Variants in SKP1 observed in about 807,000 individuals in gnomAD.
SKP1 encodes the protein S-phase kinase associated protein 1.
In SKP1, 1 loss-of-function variant was observed where a neutral mutation model predicts 21.5. The ratio of observed to expected loss-of-function variants is 0.05; its 90% CI spans 0.02 to 0.22. The LOEUF (loss-of-function observed/expected upper bound fraction) is 0.22. Ranked by LOEUF, SKP1 falls within the 10% of genes least tolerant of loss-of-function variation. The probability of loss-of-function intolerance (pLI) is 1.00; values close to 1 mark genes in which losing one functional copy is unlikely to be tolerated. For missense variants in SKP1, 70 were observed against 192.0 expected (o/e 0.36, Z 3.76); for synonymous variants, 59 against 59.3 (o/e 0.99, Z 0.03).
At chr5:134,175,847 C>G (rs901832911) in intron 1 of SKP1, among the ~76,000 whole-genome samples, 1 of 152,114 alleles carries the variant, frequency 6.6e-6, no homozygotes, top group Non-Finnish European at 1.5e-5. Flanking sequence ...AAAACAATTC[C>G]ATTCTAAAGA....
At chr5:134,166,657 C>A (rs1262179327) in intron 3 of SKP1, among the ~76,000 whole-genome samples, 1 of 138,988 alleles carries the variant, frequency 7.2e-6, no homozygotes, top group Non-Finnish European at 1.6e-5. Flanking sequence ...TTACAAAATA[C>A]TGAAAGGATA....
rs1489562362 is a variant in SKP1 at position 134,152,423 on chromosome 5, C to T, written c.*5310G>A. On this transcript the variant is annotated 3_prime_UTR_variant, in exon 6 of 6. Transcript: ENST00000353411. ...GCTTTTTCCTCACTTTGGCATCTGT[C>T]CACCCCCAAACAAATCCAACTTGAT... 1 of 152,214 alleles carries T rather than the reference C, an allele frequency of 6.6e-6. No homozygotes were observed. The highest frequency in any genetic ancestry group is 1.5e-5 in the Non-Finnish European group (1 of 68,082). The allele number at this position is 152,214 out of a possible 1,614,324, so 9.4% of individuals were successfully genotyped here.
chr5:134,167,126 T>A, intron 3 of SKP1, 44 bp downstream of exon 3: 1 of 947,258 alleles, frequency 1.1e-6, no homozygotes, highest in Non-Finnish European at 1.7e-6. Flanking sequence ...TCAATTGGTG[T>A]TATATATTAA....
At position 134,168,029 on chromosome 5, in the gene SKP1, T is replaced by C. The variant is rs2149375968; in HGVS notation, c.98-786A>G. 1.3e-5 allele frequency among the ~76,000 whole-genome samples: 2 copies of C among 152,320 alleles called. 1 individual carries two copies. Among genetic ancestry groups the C allele is most frequent in the Middle Eastern group, 6.8e-3 (2 of 294 alleles). ...TAAAAAGTACTTTACTTAGAACAGC[T>C]CTCTTAGGAGCATTTAAAAATTGGT... On this transcript the variant is annotated intron_variant, in intron 2 of 5. Transcript: ENST00000353411.
intron 5 of SKP1, chr5:134,157,997 T>G: frequency 6.6e-7 from 1 of 1,505,418 alleles, no homozygotes; most frequent in Non-Finnish European, 8.9e-7. Context: ...ATGGGCAATT[T>G]ACTAAAGTTG....
rs1307878749 is a variant in SKP1, at chr5:134,157,680, G to C, written c.*53C>G. 3 of 1,371,378 alleles carry C rather than the reference G, an allele frequency of 2.2e-6. No homozygotes were observed. In the African/African-American group the frequency reaches 4.3e-5, roughly 20 times the overall value. 85.0% of individuals were successfully genotyped at this position (1,371,378 alleles called of 1,614,324 possible). On this transcript the variant is annotated 3_prime_UTR_variant, in exon 6 of 6. Transcript: ENST00000353411. Reference sequence around the variant, plus strand: ...TATTAACAATTATAAACAGAGCAGTGCAACTAGTATTTGGAACAATCCTTA... The same window carrying C: ...TATTAACAATTATAAACAGAGCAGTCCAACTAGTATTTGGAACAATCCTTA...
Position 134,151,389 on chromosome 5 carries a change from C to T in SKP1, c.*6344G>A, listed in dbSNP as rs1387280247. The T allele has an allele frequency of 1.8e-5, 4 of 220,434 alleles. No homozygotes were observed. In the Admixed American group the frequency reaches 2.0e-4, roughly 11 times the overall value. 13.7% of individuals were successfully genotyped at this position (220,434 alleles called of 1,614,324 possible). A position where few individuals can be genotyped will look rare whatever the true frequency, so the allele number is the denominator to read the frequency against. On this transcript the variant is annotated 3_prime_UTR_variant, in exon 6 of 6. Coordinates refer to ENST00000353411, the MANE Select transcript of SKP1 (RefSeq NM_170679.3). ...TACTTGAGGATAGAGTACAGCTTCT[C>T]TATTTTCCCACCCCTTTCCGTAAGC...
intron 1 of SKP1, chr5:134,174,578 CA>C (rs1157814215): frequency 1.8e-6 from 1 of 556,692 alleles, no homozygotes; most frequent in Non-Finnish European, 2.3e-6. Flanking sequence ...GATGTGAGTA[CA>C]ATTCCCTAAA....
In SKP1 at chr5:134,158,608, A is replaced by G. The variant is rs1761162067; in HGVS notation, c.316-13T>C. On this transcript the variant is annotated splice_polypyrimidine_tract_variant and intron_variant, in intron 4 of 5. Coordinates refer to ENST00000353411, the MANE Select transcript of SKP1 (RefSeq NM_170679.3). Reference sequence around the variant, plus strand: ...AGTAGTTTGCAGCCTGTAAAGAGACAGTTGTTTTCCTTAAAGTATACTTGA... The same window carrying G: ...AGTAGTTTGCAGCCTGTAAAGAGACGGTTGTTTTCCTTAAAGTATACTTGA... 2 of 1,610,776 alleles carry G rather than the reference A, an allele frequency of 1.2e-6. No homozygotes were observed. The highest frequency in any genetic ancestry group is 1.7e-6 in the Non-Finnish European group (2 of 1,178,218).
Position 134,156,788 on chromosome 5 carries a change from T to G in SKP1, c.*945A>C, listed in dbSNP as rs1332017501. 6.6e-6 allele frequency: 1 copy of G among 152,602 alleles called. No individual in the cohort carries two copies. The highest frequency in any genetic ancestry group is 1.5e-5 in the Non-Finnish European group (1 of 68,032). 9.5% of individuals were successfully genotyped at this position (152,602 alleles called of 1,614,324 possible). A position where few individuals can be genotyped will look rare whatever the true frequency, so the allele number is the denominator to read the frequency against. On this transcript the variant is annotated 3_prime_UTR_variant, in exon 6 of 6. Transcript: ENST00000353411. The stretch of plus-strand genomic sequence containing the variant: ...CCAGTGAGCTAGGATATAAACTAAG[T>G]CTTTTCAAGCTGAACAAATATATAC...
chr5:134,170,504 T>C (rs919325199), intron 2 of SKP1, among the ~76,000 whole-genome samples: 12 of 152,338 alleles, frequency 7.9e-5, no homozygotes, highest in Admixed American at 3.3e-4. Context: ...TCACTTCTGA[T>C]TGTCCTGTGG....
At chr5:134,175,435 C>T (rs908911987) in intron 1 of SKP1, 6 of 152,112 alleles carry the variant, frequency 3.9e-5, no homozygotes, top group African/African-American at 1.4e-4. Context: ...TGTGACAAGA[C>T]CACAACAAAA....
intron 2 of SKP1, among the ~76,000 whole-genome samples, chr5:134,170,101 A>G (rs1298365254): frequency 7.2e-5 from 11 of 151,794 alleles, no homozygotes; most frequent in Middle Eastern, 3.2e-3. Flanking sequence ...CCCAGGAGGC[A>G]GAGATTGCAG....
intron 2 of SKP1, among the ~76,000 whole-genome samples, chr5:134,168,890 G>T (rs553175540): frequency 3.4e-4 from 52 of 152,156 alleles, no homozygotes; most frequent in African/African-American, 1.2e-3. Context: ...AAGGGCAGTT[G>T]TATGTTCAAG....
At chr5:134,171,315 A>C (rs1761436245) in intron 2 of SKP1, among the ~76,000 whole-genome samples, 2 of 152,298 alleles carry the variant, frequency 1.3e-5, no homozygotes, top group South Asian at 4.1e-4. Context: ...TAAATCTGGC[A>C]ATCACTCTAG....
At position 134,153,527 on chromosome 5, in the gene SKP1, G is replaced by A. The variant is rs559400898; in HGVS notation, c.*4206C>T. The A allele has an allele frequency of 1.3e-5, 2 of 152,330 alleles. No individual in the cohort carries two copies. Among genetic ancestry groups the A allele is most frequent in the South Asian group, 4.1e-4 (2 of 4,830 alleles). 9.4% of individuals were successfully genotyped at this position (152,330 alleles called of 1,614,324 possible). A position where few individuals can be genotyped will look rare whatever the true frequency, so the allele number is the denominator to read the frequency against. On this transcript the variant is annotated 3_prime_UTR_variant, in exon 6 of 6. Transcript: ENST00000353411. ...CTCTTCGGGCTACTCTGGGCACACT[G>A]CCTATGGGGTAGTCCTGCTCTGCAA... is the stretch of plus-strand genomic sequence containing the variant.
rs1043016340 is a variant in SKP1 at position 134,153,820 on chromosome 5, G to A, written c.*3913C>T. 6.6e-6 allele frequency: 1 copy of A among 152,190 alleles called. No homozygotes were observed. Among genetic ancestry groups the A allele is most frequent in the Non-Finnish European group, 1.5e-5 (1 of 68,044 alleles). 9.4% of individuals were successfully genotyped at this position (152,190 alleles called of 1,614,324 possible). ...GATTTGGAATATCTGCCTGCCCTAA[G>A]TGAGATGCCCACAGTGACTCACTGT... is the stretch of plus-strand genomic sequence containing the variant. On this transcript the variant is annotated 3_prime_UTR_variant, in exon 6 of 6. Transcript: ENST00000353411.
chr5:134,170,173 A>AAAAATAAAAT (rs57218893), intron 2 of SKP1, among the ~76,000 whole-genome samples: 2,588 of 152,126 alleles, frequency 0.017, 73 homozygotes, highest in African/African-American at 0.059. Context: ...TCCATCTCAA[A>AAAAATAAAAT]AAAATAAAAT....
chr5:134,157,556 C>A lies in SKP1; in HGVS notation c.*177G>T. Reference sequence around the variant, plus strand: ...TCCATCATACTAGAAGAAACTTGGCCGTAAGGTTTGGGATCTGTGCTCAAA... The same window carrying A: ...TCCATCATACTAGAAGAAACTTGGCAGTAAGGTTTGGGATCTGTGCTCAAA... On this transcript the variant is annotated 3_prime_UTR_variant, in exon 6 of 6. Coordinates refer to ENST00000353411, the MANE Select transcript of SKP1 (RefSeq NM_170679.3). 1 of 600,720 alleles carries A rather than the reference C, an allele frequency of 1.7e-6. No homozygotes were observed. The highest frequency in any genetic ancestry group is 3.0e-6 in the Non-Finnish European group (1 of 335,654). 37.2% of individuals were successfully genotyped at this position (600,720 alleles called of 1,614,324 possible).
Sources: allele counts gnomAD v4.1 joint callset (sites outside exome capture counted in the v4.1 genomes callset), GRCh38; gene constraint gnomAD v4.1.1; transcripts MANE v1.5; gene names NCBI Gene and HGNC (gene_info 2026-07-23, HGNC 2026-07-21).